Variants in HEMK2 observed in about 807,000 individuals in gnomAD.
HEMK2 encodes methyltransferase HEMK2.
the HEMK2 span, among the ~76,000 whole-genome samples, chr21:28,858,243 C>T: frequency 6.6e-6 from 1 of 152,140 alleles, no homozygotes; most frequent in Non-Finnish European, 1.5e-5. Flanking sequence ...TGTCCCTAAC[C>T]ACTCTTTTCC....
At chr21:28,686,110 G>A in the HEMK2 span, among the ~76,000 whole-genome samples, 12 of 152,146 alleles carry the variant, frequency 7.9e-5, no homozygotes, top group Non-Finnish European at 1.8e-4. Context: ...TCAAGAAGAG[G>A]GCTCCAAAGA....
chr21:28,707,409 C>A, the HEMK2 span, among the ~76,000 whole-genome samples: 1 of 151,956 alleles, frequency 6.6e-6, no homozygotes, highest in Non-Finnish European at 1.5e-5. Context: ...GCATGCGCCA[C>A]CAGACTGGGC....
chr21:28,675,394 T>C, the HEMK2 span, among the ~76,000 whole-genome samples: 1 of 152,192 alleles, frequency 6.6e-6, no homozygotes, highest in African/African-American at 2.4e-5. Flanking sequence ...CCTCCCAGTG[T>C]CCCTATTTTG....
At chr21:28,678,491 C>T in the HEMK2 span, among the ~76,000 whole-genome samples, 1 of 152,280 alleles carries the variant, frequency 6.6e-6, no homozygotes, top group Admixed American at 6.5e-5. Flanking sequence ...CCCAGGAGAA[C>T]TTCCCCAATC....
chr21:28,589,373 T>G, the HEMK2 span, among the ~76,000 whole-genome samples: 1 of 152,116 alleles, frequency 6.6e-6, no homozygotes, highest in Admixed American at 6.6e-5. Context: ...TATAACTATA[T>G]TATAAATATA....
At chr21:28,590,351 G>A in the HEMK2 span, among the ~76,000 whole-genome samples, 1 of 152,026 alleles carries the variant, frequency 6.6e-6, no homozygotes, top group Admixed American at 6.6e-5. Context: ...TACACAAACT[G>A]AAGAAACAGA....
chr21:28,841,250 T>A, the HEMK2 span, among the ~76,000 whole-genome samples: 1 of 10,230 alleles, frequency 9.8e-5, no homozygotes, highest in African/African-American at 8.4e-4. Context: ...ATATATATAA[T>A]ATATTATATA....
At chr21:28,578,137 T>C in the HEMK2 span, among the ~76,000 whole-genome samples, 1 of 152,244 alleles carries the variant, frequency 6.6e-6, no homozygotes, top group Non-Finnish European at 1.5e-5. Flanking sequence ...TCCAGCCATT[T>C]TGAAAAATCT....
chr21:28,660,489 CAT>C, the HEMK2 span, among the ~76,000 whole-genome samples: 1 of 151,182 alleles, frequency 6.6e-6, no homozygotes, highest in Admixed American at 6.6e-5. Flanking sequence ...AATTTTTAAT[CAT>C]AAATTTTCTC....
At chr21:28,742,468 G>A in the HEMK2 span, among the ~76,000 whole-genome samples, 34,775 of 151,964 alleles carry the variant, frequency 0.23, 4,622 homozygotes, top group African/African-American at 0.35. Flanking sequence ...TTCAAAACAC[G>A]TTGAGTTTAA....
At chr21:28,638,784 G>A in the HEMK2 span, among the ~76,000 whole-genome samples, 1 of 152,086 alleles carries the variant, frequency 6.6e-6, no homozygotes, top group Non-Finnish European at 1.5e-5. Context: ...GAGCTCCTTG[G>A]TTTTCCACCA....
the HEMK2 span, among the ~76,000 whole-genome samples, chr21:28,641,404 G>A: frequency 6.6e-6 from 1 of 152,150 alleles, no homozygotes; most frequent in African/African-American, 2.4e-5. Flanking sequence ...CCTACCCACA[G>A]ACAAGGGCTG....
the HEMK2 span, among the ~76,000 whole-genome samples, chr21:28,861,797 G>C: frequency 6.6e-6 from 1 of 152,156 alleles, no homozygotes; most frequent in Non-Finnish European, 1.5e-5. Flanking sequence ...TTCTCTCACA[G>C]CCAGGATTCA....
At chr21:28,835,112 C>T in the HEMK2 span, among the ~76,000 whole-genome samples, 6 of 152,108 alleles carry the variant, frequency 3.9e-5, no homozygotes, top group Non-Finnish European at 8.8e-5. Flanking sequence ...TAGGGCCCCA[C>T]CCACCACCAG....
the HEMK2 span, among the ~76,000 whole-genome samples, chr21:28,797,442 CAAAAAAA>C: frequency 7.9e-6 from 1 of 127,230 alleles, no homozygotes. Context: ...CCAAAAAAAA[CAAAAAAA>C]AAAAACAAAA....
the HEMK2 span, among the ~76,000 whole-genome samples, chr21:28,845,638 T>C: frequency 6.6e-6 from 1 of 152,078 alleles, no homozygotes; most frequent in South Asian, 2.1e-4. Flanking sequence ...CTTTTCTTGT[T>C]TGATTTATTC....
At chr21:28,842,326 A>C in the HEMK2 span, among the ~76,000 whole-genome samples, 36 of 152,286 alleles carry the variant, frequency 2.4e-4, 1 homozygote, top group East Asian at 3.3e-3. Flanking sequence ...TTAATAAAAG[A>C]TTGAGATAAT....
chr21:28,833,006 G>A, the HEMK2 span, among the ~76,000 whole-genome samples: 5 of 152,206 alleles, frequency 3.3e-5, no homozygotes, highest in Non-Finnish European at 4.4e-5. Flanking sequence ...CTAGTAGGTC[G>A]GCATTTTTTA....
At chr21:28,726,667 G>A in the HEMK2 span, among the ~76,000 whole-genome samples, 1 of 152,224 alleles carries the variant, frequency 6.6e-6, no homozygotes, top group African/African-American at 2.4e-5. Context: ...CAGCACTTTG[G>A]GAGGCCAAGG....
Sources: gnomAD v4.1 joint callset for allele counts (sites outside exome capture counted in the v4.1 genomes callset) on GRCh38, gnomAD v4.1.1 for gene constraint, MANE v1.5 for transcripts, NCBI Gene and HGNC (gene_info 2026-07-23, HGNC 2026-07-21) for gene names.